Variants in DLG5 observed in about 807,000 individuals in gnomAD.
The protein encoded by DLG5 is disks large homolog 5.
Under a neutral mutation model 189.8 loss-of-function variants are expected in DLG5, and 48 were observed. That is an observed-to-expected ratio of 0.25 (90% CI 0.20 to 0.32). The LOEUF is 0.32. DLG5 is among the 10% of genes least tolerant of loss of function. DLG5 has a pLI of 1.00. For missense variants in DLG5, 2,160 were observed against 2,544.7 expected, an observed-to-expected ratio of 0.85 and a Z score of 3.25; for synonymous variants, 1,016 against 1,054.1, an observed-to-expected ratio of 0.96 and a Z score of 0.70.
At chr10:77,852,976 T>C (rs757822822) in intron 5 of DLG5, among the ~76,000 whole-genome samples, 59 of 151,962 alleles carry the variant, frequency 3.9e-4, no homozygotes, top group Admixed American at 1.5e-3. Flanking sequence ...CATCCAGCAA[T>C]TGGTTGGCTG....
At chr10:77,824,766 C>T (rs549263316) in intron 13 of DLG5, 20 of 354,174 alleles carry the variant, frequency 5.6e-5, no homozygotes, top group African/African-American at 3.4e-4. Context: ...CTGCTGTGCC[C>T]GGCCATGTGG....
chr10:77,902,948 T>G (rs1278048807), intron 1 of DLG5, among the ~76,000 whole-genome samples: 1 of 151,754 alleles, frequency 6.6e-6, no homozygotes, highest in Non-Finnish European at 1.5e-5. Context: ...AGAGCGAGAC[T>G]CCGTCTCAAA....
chr10:77,868,347 G>A (rs548548180), intron 2 of DLG5: 49 of 355,078 alleles, frequency 1.4e-4, no homozygotes, highest in African/African-American at 8.8e-4. Flanking sequence ...TCGCCACTAC[G>A]GCCCAAGCCC....
At chr10:77,857,977 C>T (rs1346358796) in intron 2 of DLG5, among the ~76,000 whole-genome samples, 1 of 152,190 alleles carries the variant, frequency 6.6e-6, no homozygotes, top group Non-Finnish European at 1.5e-5. Flanking sequence ...TCCCACTGAT[C>T]CTTGTTGGTC....
intron 12 of DLG5, 99 bp downstream of exon 12, chr10:77,829,256 C>T (rs2154575890): frequency 1.3e-6 from 2 of 1,488,406 alleles, no homozygotes; most frequent in East Asian, 4.5e-5. Context: ...GGCCCCTCAT[C>T]CCTGTGAATG....
intron 3 of DLG5, among the ~76,000 whole-genome samples, chr10:77,854,757 A>T (rs1248693): frequency 0.25 from 38,641 of 151,986 alleles, 5,489 homozygotes; most frequent in Admixed American, 0.39. Context: ...AGGCTGAGGC[A>T]GGTGGATCAC....
At chr10:77,863,232 C>T (rs1001333798) in intron 2 of DLG5, among the ~76,000 whole-genome samples, 2 of 151,780 alleles carry the variant, frequency 1.3e-5, no homozygotes, top group African/African-American at 4.8e-5. Context: ...GCTGGGACTA[C>T]AGGGGTGTGC....
chr10:77,810,519 G>A (rs964464642), intron 23 of DLG5, among the ~76,000 whole-genome samples: 1 of 152,226 alleles, frequency 6.6e-6, no homozygotes, highest in Non-Finnish European at 1.5e-5. Flanking sequence ...TGGACGCTGT[G>A]CAGCTCCCAT....
the DLG5 span, among the ~76,000 whole-genome samples, chr10:77,936,446 C>CAAAA: frequency 1.3e-3 from 68 of 52,082 alleles, no homozygotes; most frequent in African/African-American, 2.8e-3. Context: ...CAAAACAAAA[C>CAAAA]AAAAAAAAAA....
chr10:77,799,685 C>T (rs1207671502), intron 27 of DLG5, among the ~76,000 whole-genome samples: 7 of 152,136 alleles, frequency 4.6e-5, no homozygotes, highest in African/African-American at 1.7e-4. Flanking sequence ...CATAGCTCAT[C>T]GCAGCACTGT....
chr10:77,796,373 C>T lies in DLG5; in HGVS notation c.5308+78G>A. 8.1e-6 allele frequency: 13 copies of T among 1,608,110 alleles called. No individual in the cohort carries two copies. The highest frequency in any genetic ancestry group is 1.1e-5 in the Non-Finnish European group (13 of 1,176,130). On this transcript the variant is annotated intron_variant, in intron 28 of 31. Transcript: ENST00000372391. The surrounding 1 kb of genome is among the most constrained non-coding windows in gnomAD (Gnocchi z 5.2). ...CCCCCCGGTACTGCCACCCACTGTG[C>T]ACAGCTGGGCAGGCAGGTGGACAGG... is the stretch of plus-strand genomic sequence containing the variant.
chr10:77,804,813 G>A (rs1841389447), intron 27 of DLG5, among the ~76,000 whole-genome samples: 1 of 152,148 alleles, frequency 6.6e-6, no homozygotes, highest in South Asian at 2.1e-4. Flanking sequence ...ACAGCTCTTG[G>A]TCACTACCAA....
intron 1 of DLG5, among the ~76,000 whole-genome samples, chr10:77,917,384 C>T (rs1405783590): frequency 6.6e-6 from 1 of 151,712 alleles, no homozygotes; most frequent in Non-Finnish European, 1.5e-5. Context: ...GGTGTGGTGG[C>T]ATGTGCCTAT....
At chr10:77,846,385 T>C (rs1843694192) in intron 5 of DLG5, among the ~76,000 whole-genome samples, 2 of 152,024 alleles carry the variant, frequency 1.3e-5, no homozygotes, top group African/African-American at 4.8e-5. Context: ...TGGTGAGCAA[T>C]ACCTCAAAAA....
At chr10:77,885,082 C>A (rs2154577477) in intron 1 of DLG5, among the ~76,000 whole-genome samples, 1 of 152,242 alleles carries the variant, frequency 6.6e-6, no homozygotes, top group South Asian at 2.1e-4. Flanking sequence ...CTCCTATCCC[C>A]CCACAAATAA....
intron 7 of DLG5, among the ~76,000 whole-genome samples, chr10:77,840,333 T>A (rs1195493695): frequency 6.6e-6 from 1 of 151,904 alleles, no homozygotes; most frequent in South Asian, 2.1e-4. Flanking sequence ...GAGCTATGAT[T>A]GTGCCACTGC....
rs1407534368 is a variant in DLG5 at position 77,856,753 on chromosome 10, C to T, written c.513G>A (p.Thr171=). The stretch of plus-strand genomic sequence containing the variant: ...ACCTCTTGTCAAAGGCCGTGCCATG[C>T]GTAGCAAAGGCCAGGCGCTTGCGGA... ...NELRKRLAFA[T]HGTAFDKRPY... The change falls in exon 3 of 32, where the codon ACG becomes ACA. Residue 171 remains threonine, a synonymous_variant. Coordinates refer to ENST00000372391, the MANE Select transcript of DLG5 (RefSeq NM_004747.4). 9 of 1,613,322 alleles carry T rather than the reference C, an allele frequency of 5.6e-6. No individual in the cohort carries two copies. Among genetic ancestry groups the T allele is most frequent in the East Asian group, 2.2e-5 (1 of 44,896 alleles).
chr10:77,811,925 T>C lies in DLG5; in HGVS notation c.4321A>G (p.Ser1441Gly). 6.2e-7 allele frequency: 1 copy of C among 1,605,112 alleles called. No homozygotes were observed. ...CGGCCCTGGGAGGCCCGCACTCACCTGGACCGGGAGTGGCTGCTGAGCTGG... is the reference window on the plus strand; with the variant it reads ...CGGCCCTGGGAGGCCCGCACTCACCCGGACCGGGAGTGGCTGCTGAGCTGG... ...VHQLSSHSRSSSHLDPAGTHS... is the reference protein window; with the variant it reads ...VHQLSSHSRSGSHLDPAGTHS... Residue 1441 changes from serine to glycine, a missense_variant and splice_region_variant, in exon 22 of 32, where the codon AGC becomes GGC. Around this residue, in one of 5 missense-constraint regions of DLG5, gnomAD observed 574 missense variants for 644.2 expected, o/e 0.89. Transcript: ENST00000372391.
At chr10:77,914,785 G>A (rs552914482) in intron 1 of DLG5, among the ~76,000 whole-genome samples, 6 of 152,110 alleles carry the variant, frequency 3.9e-5, no homozygotes, top group South Asian at 2.1e-4. Context: ...ACCTGCAGCC[G>A]CCAAACCACC....
Sources: allele counts gnomAD v4.1 joint callset (sites outside exome capture counted in the v4.1 genomes callset), GRCh38; gene constraint gnomAD v4.1.1; regional missense constraint gnomAD v4.1.1; non-coding constraint Gnocchi (gnomAD v3.1); transcripts MANE v1.5; gene names NCBI Gene and HGNC (gene_info 2026-07-23, HGNC 2026-07-21).